Variants in PANX3 observed in about 807,000 individuals in gnomAD.
PANX3 encodes pannexin-3.
Under a neutral mutation model 31.5 loss-of-function variants are expected in PANX3, and 18 were observed. The observed-to-expected ratio is 0.57, with a 90% confidence interval of 0.39 to 0.85. The LOEUF (loss-of-function observed/expected upper bound fraction) is 0.85. Ranked by LOEUF, PANX3 falls within the 40% of genes least tolerant of loss-of-function variation. The pLI is 0.00. For synonymous variants in PANX3, 194 were observed against 201.6 expected, an observed-to-expected ratio of 0.96 and a Z score of 0.32; for missense variants, 426 against 485.4, an observed-to-expected ratio of 0.88 and a Z score of 1.15.
In PANX3 at chr11:124,611,715, A is replaced by T. The variant is rs1158100636; in HGVS notation, c.159A>T (p.Ala53=). The change falls in exon 1 of 4, where the codon GCA becomes GCT. Residue 53 remains alanine, a synonymous_variant. Transcript: ENST00000284288. ...CCCCCTTGTTGCTGATGTCCCTGGC[A>T]TTCGCCCAGGAGTTCTCCTCTGGTA... ...VGSPLLLMSL[A]FAQEFSSGSP... 6.2e-7 allele frequency: 1 copy of T among 1,614,106 alleles called. No homozygotes were observed.
rs1863198322 is a variant in PANX3, at chr11:124,619,959, G to A, written c.*24G>A. The A allele has an allele frequency of 6.4e-7, 1 of 1,562,962 alleles. No individual in the cohort carries two copies. Among genetic ancestry groups the A allele is most frequent in the Non-Finnish European group, 8.6e-7 (1 of 1,158,136 alleles). ...AGTTAAGAAACCATGGAGCAAGAAA[G>A]CTTGTGGAAAGTCTCTCTCCTTCCT... On this transcript the variant is annotated 3_prime_UTR_variant, in exon 4 of 4. Coordinates refer to ENST00000284288, the MANE Select transcript of PANX3 (RefSeq NM_052959.3).
At chr11:124,615,509 A>G (rs1863143434) in intron 2 of PANX3, among the ~76,000 whole-genome samples, 1 of 152,236 alleles carries the variant, frequency 6.6e-6, no homozygotes, top group African/African-American at 2.4e-5. Flanking sequence ...CATTTAGGGA[A>G]TAAGCTCCAG....
At chr11:124,612,069 G>A (rs1016923146) in intron 1 of PANX3, among the ~76,000 whole-genome samples, 5 of 152,136 alleles carry the variant, frequency 3.3e-5, no homozygotes, top group Non-Finnish European at 7.4e-5. Flanking sequence ...GACACTCCTG[G>A]TAATGTTTTT....
In PANX3 at chr11:124,619,843, G is replaced by A. The variant is rs573534650; in HGVS notation, c.1087G>A (p.Asp363Asn). 49 of 1,614,016 alleles carry A rather than the reference G, an allele frequency of 3.0e-5. No homozygotes were observed. In the East Asian group the frequency reaches 7.8e-4, roughly 26 times the overall value. The change falls in exon 4 of 4, where the codon GAC becomes AAC. Residue 363 changes from aspartate to asparagine, a missense_variant. Asp to Asn is a conservative substitution (Grantham distance 23). Coordinates refer to ENST00000284288, the MANE Select transcript of PANX3 (RefSeq NM_052959.3). Reference protein sequence around the residue: ...KDTTTQKHNIDTVVDFMTLLA... With the variant: ...KDTTTQKHNINTVVDFMTLLA... ...TACAACCACCCAGAAGCACAATATTGACACAGTAGTTGATTTTATGACTTT... is the reference window on the plus strand; with the variant it reads ...TACAACCACCCAGAAGCACAATATTAACACAGTAGTTGATTTTATGACTTT...
At chr11:124,615,401 C>G (rs954053394) in intron 2 of PANX3, among the ~76,000 whole-genome samples, 2 of 152,130 alleles carry the variant, frequency 1.3e-5, no homozygotes, top group African/African-American at 2.4e-5. Context: ...CTTTTCTACC[C>G]AGGTACAATC....
At position 124,619,505 on chromosome 11, in the gene PANX3, G is replaced by A. The variant is rs780064847; in HGVS notation, c.749G>A (p.Ser250Asn). The change falls in exon 4 of 4, where the codon AGT (serine) becomes AAT (asparagine). Residue 250 changes from serine (S) to asparagine (N), a missense_variant. Transcript: ENST00000284288. ...FSCSIKTGLL[S>N]DETHVPNLIT... ...TGCTCCATCAAGACAGGGCTGCTAAGTGATGAGACCCATGTCCCCAATCTG... is the reference window on the plus strand; with the variant it reads ...TGCTCCATCAAGACAGGGCTGCTAAATGATGAGACCCATGTCCCCAATCTG... 5.0e-6 allele frequency: 8 copies of A among 1,614,086 alleles called. No homozygotes were observed. In the Admixed American group the frequency reaches 1.2e-4, roughly 24 times the overall value.
chr11:124,613,991 G>C (rs1399817032), intron 2 of PANX3, among the ~76,000 whole-genome samples: 1 of 151,930 alleles, frequency 6.6e-6, no homozygotes, highest in African/African-American at 2.4e-5. Context: ...GGAGGCAGTG[G>C]TAACATGTAT....
chr11:124,612,231 A>G (rs1439298155), intron 1 of PANX3, among the ~76,000 whole-genome samples: 1 of 152,216 alleles, frequency 6.6e-6, no homozygotes, highest in African/African-American at 2.4e-5. Context: ...GAGATGCTGC[A>G]TAAACCCACT....
At chr11:124,617,050 G>C (rs1863160862) in intron 2 of PANX3, among the ~76,000 whole-genome samples, 1 of 151,782 alleles carries the variant, frequency 6.6e-6, no homozygotes, top group South Asian at 2.1e-4. Flanking sequence ...GATCAGAAAA[G>C]TGAACCAGGG....
chr11:124,614,167 TA>T (rs71042444), intron 2 of PANX3, among the ~76,000 whole-genome samples: 21,007 of 73,288 alleles, frequency 0.29, 1,663 homozygotes, highest in African/African-American at 0.38. Context: ...ATCTAAATGG[TA>T]AAAAAAAAAA....
chr11:124,617,921 T>C (rs1863172193), intron 3 of PANX3, among the ~76,000 whole-genome samples: 2 of 152,222 alleles, frequency 1.3e-5, no homozygotes, highest in Admixed American at 1.3e-4. Flanking sequence ...AACAAATTAT[T>C]TATCTATGTA....
chr11:124,618,197 G>C (rs1863174800), intron 3 of PANX3, among the ~76,000 whole-genome samples: 1 of 152,202 alleles, frequency 6.6e-6, no homozygotes, highest in African/African-American at 2.4e-5. Flanking sequence ...GCTTCACACA[G>C]AGTGGCCAGG....
At chr11:124,618,392 A>G (rs1384380748) in intron 3 of PANX3, among the ~76,000 whole-genome samples, 2 of 152,180 alleles carry the variant, frequency 1.3e-5, no homozygotes, top group African/African-American at 4.8e-5. Context: ...TAACTTTTAC[A>G]GCCACTGTGG....
intron 2 of PANX3, among the ~76,000 whole-genome samples, chr11:124,614,508 T>G (rs1591368174): frequency 6.6e-6 from 1 of 152,078 alleles, no homozygotes; most frequent in African/African-American, 2.4e-5. Flanking sequence ...CCTCAGGTGA[T>G]CCACCTGCCT....
At chr11:124,619,025 T>G (rs997301957) in intron 3 of PANX3, among the ~76,000 whole-genome samples, 3 of 152,186 alleles carry the variant, frequency 2.0e-5, no homozygotes, top group African/African-American at 7.2e-5. Context: ...AGAACTTTAG[T>G]CCGCCTTGCT....
At chr11:124,612,915 T>C in intron 1 of PANX3, 65 bp from the exon 2 acceptor site, 1 of 1,578,686 alleles carries the variant, frequency 6.3e-7, no homozygotes, top group Non-Finnish European at 8.6e-7. Context: ...AGTTAGATGA[T>C]TGCCCCTGAG....
At chr11:124,618,457 A>C (rs976196845) in intron 3 of PANX3, among the ~76,000 whole-genome samples, 10 of 152,188 alleles carry the variant, frequency 6.6e-5, no homozygotes, top group Non-Finnish European at 1.5e-4. Flanking sequence ...CCGTATTTGC[A>C]TGTCTTATCT....
At position 124,616,980 on chromosome 11, in the gene PANX3, T is replaced by TTCTC. The variant is rs749006508; in HGVS notation, c.325-283_325-280dup. ...CCTCTCCTCTCTCTCTCTCTCCTTA[T>TTCTC]TCTCTCTCTCTCTCCTTATTCTCTC... is the stretch of plus-strand genomic sequence containing the variant. On this transcript the variant is annotated intron_variant, in intron 2 of 3. Coordinates refer to ENST00000284288, the MANE Select transcript of PANX3 (RefSeq NM_052959.3). The surrounding 1 kb of genome is among the most constrained non-coding windows in gnomAD (Gnocchi z 4.8). Among the ~76,000 whole-genome samples, 6 of 147,610 alleles carry TTCTC rather than the reference T, an allele frequency of 4.1e-5. No homozygotes were observed. The highest frequency in any genetic ancestry group is 9.0e-5 in the Non-Finnish European group (6 of 66,714).
At position 124,619,692 on chromosome 11, in the gene PANX3, TCTC is replaced by T. The variant is rs1175890164; in HGVS notation, c.940_942del (p.Leu314del). 1.2e-6 allele frequency: 2 copies of T among 1,614,074 alleles called. No homozygotes were observed. Among genetic ancestry groups the T allele is most frequent in the Admixed American group, 1.7e-5 (1 of 60,004 alleles). ...TCTATGAGATGCTCCCAGCTTTTGATCTCCTCAGCAGAAAGATGCTAGGATGTC... is the reference window on the plus strand; with the variant it reads ...TCTATGAGATGCTCCCAGCTTTTGATCTCAGCAGAAAGATGCTAGGATGTC... On this transcript the variant is annotated inframe_deletion, in exon 4 of 4. Transcript: ENST00000284288.
Sources: gnomAD v4.1 joint callset for allele counts (sites outside exome capture counted in the v4.1 genomes callset) on GRCh38, gnomAD v4.1.1 for gene constraint, Gnocchi (gnomAD v3.1) non-coding constraint, MANE v1.5 for transcripts, NCBI Gene and HGNC (gene_info 2026-07-23, HGNC 2026-07-21) for gene names.